The following NUDCD3 variants were observed in gnomAD, a reference collection of about 807,000 sequenced individuals.
NUDCD3 encodes NudC domain containing 3, also known as nudC domain-containing protein 3.
Under a neutral mutation model 39.7 loss-of-function variants are expected in NUDCD3, and 13 were observed. The ratio of observed to expected loss-of-function variants is 0.33; its 90% confidence interval spans 0.21 to 0.52. The LOEUF (loss-of-function observed/expected upper bound fraction) is 0.52. Among genes scored for constraint, NUDCD3 ranks in the 20% least tolerant of loss-of-function variants. The pLI is 0.96. For synonymous variants in NUDCD3, 175 were observed against 172.4 expected (o/e 1.02, Z -0.12); for missense variants, 453 against 458.1 (o/e 0.99, Z 0.10).
chr7:44,386,011 T>C lies in NUDCD3; in HGVS notation c.1086A>G (p.Ter362=), dbSNP rs1428505759. ...CGAGGGTTTCCTTTCCTTCTGGTCA[T>C]TAAAACTGCACAGCCCCCGGGGAGA... ...FNISPGAVQF[*] Residue 362 remains the stop codon, a stop_retained_variant, in exon 6 of 6, where the codon TAA becomes TAG. Coordinates refer to ENST00000355451, the MANE Select transcript of NUDCD3 (RefSeq NM_015332.4). 3 of 1,476,868 alleles carry C rather than the reference T, an allele frequency of 2.0e-6. No individual in the cohort carries two copies. The highest frequency in any genetic ancestry group is 2.8e-6 in the Non-Finnish European group (3 of 1,054,878). 91.5% of individuals were successfully genotyped at this position (1,476,868 alleles called of 1,614,324 possible).
rs1377111542 is a variant in NUDCD3 at position 44,412,932 on chromosome 7, AAAAAAAAAAAG to A, written c.643-8360_643-8350del. On this transcript the variant is annotated intron_variant, in intron 3 of 5. Transcript: ENST00000355451. Reference sequence around the variant, plus strand: ...ACAGAGCGAGACGCCGTCTCAAAAAAAAAAAAAAAAGAAAAAAAAAAAGAAAGAAACCATTG... The same window carrying A: ...ACAGAGCGAGACGCCGTCTCAAAAAAAAAAAAAAAAAGAAAGAAACCATTG... Among the ~76,000 whole-genome samples, 150 of 147,170 alleles carry A rather than the reference AAAAAAAAAAAG, an allele frequency of 1.0e-3. 3 individuals are homozygous for A. The highest frequency in any genetic ancestry group is 3.5e-3 in the African/African-American group (136 of 39,180).
At chr7:44,430,554 CCACACACACACACACTCACACA>C (rs1799340129) in intron 2 of NUDCD3, among the ~76,000 whole-genome samples, 1 of 140,772 alleles carries the variant, frequency 7.1e-6, no homozygotes, top group Admixed American at 7.0e-5. Flanking sequence ...AATAAAATAC[CCACACACACACACACTCACACA>C]CACACACACA....
intron 3 of NUDCD3, among the ~76,000 whole-genome samples, chr7:44,425,370 C>G (rs532224154): frequency 2.6e-5 from 4 of 152,218 alleles, no homozygotes; most frequent in African/African-American, 9.6e-5. Flanking sequence ...TCACAGGTTG[C>G]AGGTTCTCAT....
chr7:44,469,725 C>G (rs1214012925), intron 2 of NUDCD3, among the ~76,000 whole-genome samples: 1 of 151,956 alleles, frequency 6.6e-6, no homozygotes, highest in Non-Finnish European at 1.5e-5. Flanking sequence ...ACACTAAGGG[C>G]CCACCATGGT....
intron 2 of NUDCD3, among the ~76,000 whole-genome samples, chr7:44,483,773 C>T (rs1414729631): frequency 6.6e-6 from 1 of 152,152 alleles, no homozygotes; most frequent in African/African-American, 2.4e-5. Context: ...ACAAAAACTC[C>T]CCCACAGCCT....
intron 2 of NUDCD3, among the ~76,000 whole-genome samples, chr7:44,429,776 G>A (rs528916843): frequency 2.6e-5 from 4 of 152,264 alleles, no homozygotes; most frequent in Non-Finnish European, 4.4e-5. Flanking sequence ...GAAACCAGGA[G>A]TTACATAGGA....
chr7:44,405,571 T>G (rs769519896), intron 3 of NUDCD3, among the ~76,000 whole-genome samples: 2 of 152,186 alleles, frequency 1.3e-5, no homozygotes, highest in Non-Finnish European at 2.9e-5. Context: ...AATAGGTATG[T>G]GGAATAAAAA....
At chr7:44,457,925 T>C (rs1365624984) in intron 2 of NUDCD3, among the ~76,000 whole-genome samples, 2 of 152,188 alleles carry the variant, frequency 1.3e-5, no homozygotes, top group Non-Finnish European at 2.9e-5. Flanking sequence ...AGCCTGGCAC[T>C]TCCTCAAAAG....
intron 4 of NUDCD3, among the ~76,000 whole-genome samples, chr7:44,393,918 A>G (rs1190535345): frequency 6.6e-6 from 1 of 152,156 alleles, no homozygotes; most frequent in East Asian, 1.9e-4. Context: ...CTGGAGACTC[A>G]CCAGTATACA....
At chr7:44,462,070 T>G (rs926045167) in intron 2 of NUDCD3, among the ~76,000 whole-genome samples, 1 of 152,136 alleles carries the variant, frequency 6.6e-6, no homozygotes, top group Non-Finnish European at 1.5e-5. Context: ...TCCACAAATA[T>G]AGCACATGCA....
At chr7:44,394,215 T>A (rs189447526) in intron 4 of NUDCD3, among the ~76,000 whole-genome samples, 1 of 152,082 alleles carries the variant, frequency 6.6e-6, no homozygotes, top group East Asian at 1.9e-4. Flanking sequence ...CGAATGCAGA[T>A]AGGGGGAGTG....
At position 44,484,961 on chromosome 7, in the gene NUDCD3, T is replaced by C. The variant is rs964747475; in HGVS notation, c.509+7A>G. On this transcript the variant is annotated splice_region_variant and intron_variant, in intron 2 of 5. Coordinates refer to ENST00000355451, the MANE Select transcript of NUDCD3 (RefSeq NM_015332.4). ...AAAGAAGGAAGCTGCAAAGTAGAAA[T>C]TCCCACCTGGGAAGAATTGGTGGTT... 17 of 1,581,528 alleles carry C rather than the reference T, an allele frequency of 1.1e-5. No homozygotes were observed. The African/African-American group carries it at 1.6e-4, about 15-fold the overall frequency.
chr7:44,429,283 T>C (rs573132068), intron 2 of NUDCD3, among the ~76,000 whole-genome samples: 24 of 152,288 alleles, frequency 1.6e-4, no homozygotes, highest in African/African-American at 5.8e-4. Flanking sequence ...AACAGGGTCT[T>C]TACACAGGTG....
intron 4 of NUDCD3, 35 bp from the exon 5 acceptor site, chr7:44,392,520 A>C (rs1798540603): frequency 6.3e-7 from 1 of 1,593,838 alleles, no homozygotes; most frequent in Non-Finnish European, 8.6e-7. Context: ...TGAGTCAGAG[A>C]CCTGAGACAG....
Position 44,386,025 on chromosome 7 carries a change from C to T in NUDCD3, c.1072G>A (p.Ala358Thr), listed in dbSNP as rs1367346736. Residue 358 changes from alanine to threonine, a missense_variant, in exon 6 of 6, where the codon GCT (alanine) becomes ACT (threonine). Ala to Thr is a moderately conservative substitution (Grantham distance 58). Transcript: ENST00000355451. ...DPAMFNISPGAVQF is the reference protein window; with the variant it reads ...DPAMFNISPGTVQF ...CCTTCTGGTCATTAAAACTGCACAG[C>T]CCCCGGGGAGATGTTGAACATGGCA... 1.3e-6 allele frequency: 2 copies of T among 1,521,862 alleles called. No individual in the cohort carries two copies. The highest frequency in any genetic ancestry group is 3.3e-5 in the Admixed American group (2 of 59,902). The allele number at this position is 1,521,862 out of a possible 1,614,324, so 94.3% of individuals were successfully genotyped here.
chr7:44,442,609 T>A (rs932252238), intron 2 of NUDCD3, among the ~76,000 whole-genome samples: 3 of 152,154 alleles, frequency 2.0e-5, no homozygotes, highest in African/African-American at 7.2e-5. Flanking sequence ...AGCTCACTCA[T>A]TGAATTACTT....
chr7:44,394,916 G>A (rs1798595582), intron 4 of NUDCD3, among the ~76,000 whole-genome samples: 1 of 152,208 alleles, frequency 6.6e-6, no homozygotes, highest in South Asian at 2.1e-4. Flanking sequence ...GGGCACAGTG[G>A]GAGATGGACC....
chr7:44,388,859 C>G (rs1019231184), intron 5 of NUDCD3, among the ~76,000 whole-genome samples: 1 of 152,210 alleles, frequency 6.6e-6, no homozygotes, highest in Non-Finnish European at 1.5e-5. Context: ...GGATGCTGCC[C>G]CATGGCAAGT....
chr7:44,399,934 A>G (rs1798691052), intron 4 of NUDCD3, among the ~76,000 whole-genome samples: 1 of 152,260 alleles, frequency 6.6e-6, no homozygotes. Flanking sequence ...CTGATTTTAA[A>G]TGACTTGTGT....
Sources: allele counts gnomAD v4.1 joint callset (sites outside exome capture counted in the v4.1 genomes callset), GRCh38; gene constraint gnomAD v4.1.1; transcripts MANE v1.5; gene names NCBI Gene and HGNC (gene_info 2026-07-23, HGNC 2026-07-21).